ARHGAP39: variants seen among roughly 807,000 people sequenced by gnomAD.
The protein encoded by ARHGAP39 is rho GTPase-activating protein 39.
ARHGAP39 carries 44 observed loss-of-function variants against 106.9 expected under a neutral mutation model. The ratio of observed to expected loss-of-function variants is 0.41; its 90% CI spans 0.32 to 0.53. The LOEUF (loss-of-function observed/expected upper bound fraction) is 0.53, where lower values mean the gene tolerates loss of function less well. ARHGAP39 is among the 20% of genes least tolerant of loss of function. The probability of loss-of-function intolerance (pLI) is 0.21; values close to 1 mark genes in which losing one functional copy is unlikely to be tolerated. For synonymous variants in ARHGAP39, 768 were observed against 693.2 expected, an observed-to-expected ratio of 1.11 and a Z score of -1.69; for missense variants, 1,496 against 1,577.3, an observed-to-expected ratio of 0.95 and a Z score of 0.87.
At chr8:144,532,544 C>T in intron 9 of ARHGAP39, 148 bp from the exon 10 acceptor site, 4 of 666,078 alleles carry the variant, frequency 6.0e-6, no homozygotes, top group Non-Finnish European at 1.0e-5. Flanking sequence ...GGCCTCTTTC[C>T]CACGAACGTG....
chr8:144,685,892 G>A (rs1822578345), upstream of ARHGAP39, among the ~76,000 whole-genome samples: 1 of 149,624 alleles, frequency 6.7e-6, no homozygotes, highest in African/African-American at 2.4e-5. Context: ...CCCCGCCTCC[G>A]GCTCCGCCCC....
chr8:144,545,572 A>G lies in ARHGAP39; in HGVS notation c.2198T>C (p.Val733Ala). Residue 733 changes from valine to alanine, a missense_variant, in exon 6 of 12, where the codon GTG becomes GCG. This residue lies in a region of ARHGAP39 where 470 missense variants were observed against 605.1 expected (regional missense o/e 0.78). Transcript: ENST00000377307. ...SSESIKKPMI[V>A]TSDRHVKKEA... ...CTTCTTCACGTGCCGGTCGCTTGTC[A>G]CGATCATGGGCTTCTTGATGGACTC... is the stretch of plus-strand genomic sequence containing the variant. 1 of 1,613,662 alleles carries G rather than the reference A, an allele frequency of 6.2e-7. No individual in the cohort carries two copies. Among genetic ancestry groups the G allele is most frequent in the Non-Finnish European group, 8.5e-7 (1 of 1,180,000 alleles).
At chr8:144,553,547 G>A (rs1436474628) in intron 4 of ARHGAP39, among the ~76,000 whole-genome samples, 3 of 152,296 alleles carry the variant, frequency 2.0e-5, no homozygotes, top group African/African-American at 7.2e-5. Flanking sequence ...CAAGCCCCCC[G>A]AGGCAGTACT....
At chr8:144,680,860 T>C (rs1283532427) in intron 1 of ARHGAP39, among the ~76,000 whole-genome samples, 4 of 152,088 alleles carry the variant, frequency 2.6e-5, no homozygotes. Context: ...AGATTATCAA[T>C]GGAGGGGGGT....
At chr8:144,560,428 C>T (rs531411034) in intron 3 of ARHGAP39, among the ~76,000 whole-genome samples, 2 of 152,222 alleles carry the variant, frequency 1.3e-5, no homozygotes, top group South Asian at 4.1e-4. Context: ...AAACGAGACT[C>T]CGTCTCAAAA....
intron 1 of ARHGAP39, among the ~76,000 whole-genome samples, chr8:144,635,643 G>T (rs1388166904): frequency 2.0e-5 from 3 of 152,228 alleles, no homozygotes; most frequent in Non-Finnish European, 4.4e-5. Flanking sequence ...ATGGGCACTG[G>T]AAGTGGGGGT....
intron 1 of ARHGAP39, among the ~76,000 whole-genome samples, chr8:144,680,993 C>T (rs1173383126): frequency 1.3e-5 from 2 of 152,142 alleles, no homozygotes; most frequent in Non-Finnish European, 2.9e-5. Flanking sequence ...GAAGACTACC[C>T]CTGCAAAATC....
At chr8:144,620,682 C>T (rs1807967147) in intron 1 of ARHGAP39, among the ~76,000 whole-genome samples, 1 of 152,182 alleles carries the variant, frequency 6.6e-6, no homozygotes, top group African/African-American at 2.4e-5. Flanking sequence ...AGAGTGATGG[C>T]TCCAAACCCA....
At chr8:144,595,117 C>T (rs754518058) in intron 2 of ARHGAP39, among the ~76,000 whole-genome samples, 1 of 152,200 alleles carries the variant, frequency 6.6e-6, no homozygotes, top group Non-Finnish European at 1.5e-5. Context: ...GAAACGAAAA[C>T]GTCTTCACAC....
intron 2 of ARHGAP39, among the ~76,000 whole-genome samples, chr8:144,590,864 G>A (rs552883946): frequency 1.4e-3 from 207 of 151,916 alleles, no homozygotes; most frequent in Middle Eastern, 3.4e-3. Flanking sequence ...GAGCCTTGTC[G>A]ACCGCCCTGG....
chr8:144,537,689 C>T (rs1346147540), intron 7 of ARHGAP39, 32 bp downstream of exon 7: 3 of 1,601,428 alleles, frequency 1.9e-6, no homozygotes, highest in Non-Finnish European at 2.6e-6. Flanking sequence ...TGTGCAGACG[C>T]CGCGCCCAGG....
At chr8:144,634,895 C>T (rs1382270363) in intron 1 of ARHGAP39, among the ~76,000 whole-genome samples, 2 of 151,496 alleles carry the variant, frequency 1.3e-5, no homozygotes, top group African/African-American at 2.4e-5. Flanking sequence ...GAACTCCAGG[C>T]CCTGTGCGGG....
rs752433867 is a variant in ARHGAP39, at chr8:144,530,834, C to G, written c.3018G>C (p.Glu1006Asp). ...LLKLWYRELE[E>D]PLIPHEFYEQ... ...CGTAGAACTCGTGCGGGATCAGGGG[C>G]TCCTCCAGCTCCCGGTACCACAGCT... Residue 1006 changes from glutamate (E) to aspartate (D), a missense_variant, in exon 11 of 12, where the codon GAG becomes GAC. Physicochemically the swap from Glu to Asp is conservative, Grantham distance 45. Transcript: ENST00000377307. 6.2e-7 allele frequency: 1 copy of G among 1,611,074 alleles called. No individual in the cohort carries two copies. The highest frequency in any genetic ancestry group is 8.5e-7 in the Non-Finnish European group (1 of 1,179,582).
intron 1 of ARHGAP39, among the ~76,000 whole-genome samples, chr8:144,619,596 G>A (rs747711308): frequency 1.8e-4 from 28 of 151,934 alleles, no homozygotes; most frequent in Admixed American, 6.6e-4. Context: ...GTGTGTCCCT[G>A]AGAGAGCGTG....
chr8:144,692,091 C>CA, the ARHGAP39 span, among the ~76,000 whole-genome samples: 1 of 152,090 alleles, frequency 6.6e-6, no homozygotes, highest in Non-Finnish European at 1.5e-5. Flanking sequence ...ATGAGGCTGA[C>CA]AAAGGGCCTG....
the ARHGAP39 span, among the ~76,000 whole-genome samples, chr8:144,697,301 A>G: frequency 7.1e-6 from 1 of 140,426 alleles, no homozygotes; most frequent in Non-Finnish European, 1.5e-5. Flanking sequence ...TGGGTGACAG[A>G]GCAAGATCCC....
chr8:144,530,786 G>GTAGTGCGCGGGGCTA lies in ARHGAP39; in HGVS notation c.3065_3066insTAGCCCCGCGCACTA (p.Pro1024_Glu1025insAlaHisTyrSerPro). 1 of 1,610,936 alleles carries GTAGTGCGCGGGGCTA rather than the reference G, an allele frequency of 6.2e-7. No homozygotes were observed. On this transcript the variant is annotated inframe_insertion, in exon 11 of 12. Coordinates refer to ENST00000377307, the MANE Select transcript of ARHGAP39 (RefSeq NM_025251.3). ...CCACGGCCACCGCCGCCTCGGGGCT[G>GTAGTGCGCGGGGCTA]TCGTAGTGCGCGATGCACTGCTCGT...
intron 1 of ARHGAP39, among the ~76,000 whole-genome samples, chr8:144,637,166 T>C (rs1821192753): frequency 6.6e-6 from 1 of 152,248 alleles, no homozygotes; most frequent in Non-Finnish European, 1.5e-5. Context: ...AAACTTTTAC[T>C]ATCCAGGTAC....
chr8:144,549,096 G>T (rs975845026), intron 4 of ARHGAP39, among the ~76,000 whole-genome samples: 18 of 152,270 alleles, frequency 1.2e-4, no homozygotes, highest in Non-Finnish European at 1.5e-5. Context: ...CACGCTGTCT[G>T]CGTCCTCACC....
Sources: allele counts gnomAD v4.1 joint callset (sites outside exome capture counted in the v4.1 genomes callset), GRCh38; gene constraint gnomAD v4.1.1; regional missense constraint gnomAD v4.1.1; transcripts MANE v1.5; gene names NCBI Gene and HGNC (gene_info 2026-07-23, HGNC 2026-07-21).